PCDHAC1: variants seen among roughly 807,000 people sequenced by gnomAD.
The protein encoded by PCDHAC1 is protocadherin alpha-C1.
In PCDHAC1, 42 loss-of-function variants were observed where a neutral mutation model predicts 60.0. The observed-to-expected ratio is 0.70, with a 90% CI of 0.55 to 0.90. The LOEUF is 0.90. Ranked by LOEUF, PCDHAC1 falls within the 40% of genes least tolerant of loss-of-function variation. The pLI, the probability that PCDHAC1 is intolerant of heterozygous loss-of-function variation, is 0.00. For missense variants in PCDHAC1, 1,160 were observed against 1,222.3 expected, an observed-to-expected ratio of 0.95 and a Z score of 0.76; for synonymous variants, 468 against 499.3, an observed-to-expected ratio of 0.94 and a Z score of 0.84.
chr5:140,939,789 A>G (rs1259994967), intron 1 of PCDHAC1, among the ~76,000 whole-genome samples: 1 of 152,246 alleles, frequency 6.6e-6, no homozygotes, highest in Non-Finnish European at 1.5e-5. Context: ...GTCAATTTCT[A>G]TAAATGTTCT....
rs1338866234 is a variant in PCDHAC1 at position 141,009,892 on chromosome 5, GAA to G, written c.2852_2853del (p.Lys951ArgfsTer8). ...AGAAGAAGGGTAACAAGACCCAGGA[GAA>G]AAAAGAGAAAGGGAACAGCACGACT... ...KKKKGNKTQE[K>X]KEKGNSTTDN... On this transcript the variant is annotated frameshift_variant, in exon 4 of 4. Coordinates refer to ENST00000253807, the MANE Select transcript of PCDHAC1 (RefSeq NM_018898.5). LOFTEE classifies it high-confidence loss of function. The G allele has an allele frequency of 3.7e-6, 6 of 1,612,022 alleles. No individual in the cohort carries two copies. The Admixed American group carries it at 1.0e-4, about 27-fold the overall frequency.
rs1554217734 is a variant in PCDHAC1 at position 140,946,611 on chromosome 5, A to AATATATATATATATATATATATATATAT, written c.2433+17307_2433+17308insTATATATATATATATATATATATATATA. Among the ~76,000 whole-genome samples, 579 of 86,182 alleles carry AATATATATATATATATATATATATATAT rather than the reference A, an allele frequency of 6.7e-3. 16 individuals are homozygous for AATATATATATATATATATATATATATAT. The highest frequency in any genetic ancestry group is 0.011 in the Middle Eastern group (2 of 184). 56.5% of individuals were successfully genotyped at this position (86,182 alleles called of 152,430 possible). A position where few individuals can be genotyped will look rare whatever the true frequency, so the allele number is the denominator to read the frequency against. On this transcript the variant is annotated intron_variant, in intron 1 of 3. Transcript: ENST00000253807. ...GGATGAATAGATAAAGAAAATGTGA[A>AATATATATATATATATATATATATATAT]ATATATATATATATATATATACAAT...
intron 3 of PCDHAC1, among the ~76,000 whole-genome samples, chr5:140,987,825 G>A (rs1181525478): frequency 1.3e-5 from 2 of 151,894 alleles, no homozygotes; most frequent in Admixed American, 1.3e-4. Flanking sequence ...GTTTCCTTAG[G>A]GGATTGCTTT....
In PCDHAC1 at chr5:140,929,269, A is replaced by G. The variant is rs138062218; in HGVS notation, c.2377A>G (p.Ile793Val). Residue 793 changes from isoleucine (I) to valine (V), a missense_variant, in exon 1 of 4, where the codon ATA becomes GTA. Transcript: ENST00000253807. ...CACTGGGGTAGGACTGAATTTGCCA[A>G]TATCCTGTATTCAGATTCGGAATAG... ...LATGVGLNLPISCIQIRNRKG... is the reference protein window; with the variant it reads ...LATGVGLNLPVSCIQIRNRKG... The G allele has an allele frequency of 3.0e-5, 49 of 1,611,106 alleles. No homozygotes were observed. The highest frequency in any genetic ancestry group is 5.3e-5 in the African/African-American group (4 of 74,988).
Position 140,928,298 on chromosome 5 carries a change from C to T in PCDHAC1, c.1406C>T (p.Ala469Val). 1.2e-6 allele frequency: 2 copies of T among 1,614,128 alleles called. No individual in the cohort carries two copies. Among genetic ancestry groups the T allele is most frequent in the South Asian group, 1.1e-5 (1 of 91,080 alleles). ...GPGASLGRVF[A>V]QDPDLGKNGL... The stretch of plus-strand genomic sequence containing the variant: ...GGGGCCTCTCTAGGCCGAGTGTTTG[C>T]CCAGGACCCCGACCTGGGGAAGAAT... Residue 469 changes from alanine to valine, a missense_variant, in exon 1 of 4, where the codon GCC (alanine) becomes GTC (valine). Physicochemically the swap from Ala to Val is moderately conservative, Grantham distance 64. Around this residue, in one of 3 missense-constraint regions of PCDHAC1, gnomAD observed 1,113 missense variants for 1,163.7 expected, o/e 0.96. Transcript: ENST00000253807.
chr5:140,932,222 A>T (rs2088129167), intron 1 of PCDHAC1, among the ~76,000 whole-genome samples: 1 of 151,870 alleles, frequency 6.6e-6, no homozygotes, highest in African/African-American at 2.4e-5. Flanking sequence ...GGCAATTTAA[A>T]TTTTTTAGAA....
chr5:140,928,900 G>A lies in PCDHAC1; in HGVS notation c.2008G>A (p.Val670Ile), dbSNP rs782597882. The change falls in exon 1 of 4, where the codon GTC (valine) becomes ATC (isoleucine). Residue 670 changes from valine (V) to isoleucine (I), a missense_variant. Val to Ile is a conservative substitution (Grantham distance 29). This residue lies in a region of PCDHAC1 where 1,113 missense variants were observed against 1,163.7 expected (regional missense o/e 0.96). Coordinates refer to ENST00000253807, the MANE Select transcript of PCDHAC1 (RefSeq NM_018898.5). ...TCAGTTACTTCCAGACTTTGAAGATGTCTGGGAACCAGGAGGGCAGCTTTC... is the reference window on the plus strand; with the variant it reads ...TCAGTTACTTCCAGACTTTGAAGATATCTGGGAACCAGGAGGGCAGCTTTC... ...VPQLLPDFED[V>I]WEPGGQLSAQ... The A allele has an allele frequency of 3.1e-6, 5 of 1,614,212 alleles. No homozygotes were observed. The South Asian group carries it at 5.5e-5, about 18-fold the overall frequency.
intron 1 of PCDHAC1, among the ~76,000 whole-genome samples, chr5:140,934,465 A>G (rs1313806464): frequency 1.3e-5 from 2 of 152,152 alleles, no homozygotes; most frequent in African/African-American, 4.8e-5. Context: ...ATGTTTTAAC[A>G]TTATTTTGAA....
Position 141,010,389 on chromosome 5 carries a change from G to A in PCDHAC1, c.*452G>A. The A allele has an allele frequency of 1.4e-6, 2 of 1,400,314 alleles. No individual in the cohort carries two copies. Among genetic ancestry groups the A allele is most frequent in the Non-Finnish European group, 1.9e-6 (2 of 1,052,510 alleles). The allele number at this position is 1,400,314 out of a possible 1,614,324, so 86.7% of individuals were successfully genotyped here. ...TATGCGAGTGCCAGATATTGGCTGA[G>A]ACGAGCCAGCTTAGACTAATTGGTA... On this transcript the variant is annotated 3_prime_UTR_variant, in exon 4 of 4. Coordinates refer to ENST00000253807, the MANE Select transcript of PCDHAC1 (RefSeq NM_018898.5).
At chr5:140,977,599 AC>A (rs782213571) in intron 1 of PCDHAC1, among the ~76,000 whole-genome samples, 1 of 152,150 alleles carries the variant, frequency 6.6e-6, no homozygotes, top group Non-Finnish European at 1.5e-5. Context: ...GCATGTGAGG[AC>A]CATTGAGGTA....
intron 3 of PCDHAC1, among the ~76,000 whole-genome samples, chr5:140,992,926 A>C (rs2097533873): frequency 6.6e-6 from 1 of 152,226 alleles, no homozygotes; most frequent in African/African-American, 2.4e-5. Context: ...CCATACTTAC[A>C]GCAGCTCTGA....
rs531996502 is a variant in PCDHAC1, at chr5:140,944,251, G to A, written c.2433+14926G>A. Among the ~76,000 whole-genome samples the A allele has an allele frequency of 2.2e-4, 33 of 152,302 alleles. No individual in the cohort carries two copies. In the South Asian group the frequency reaches 6.8e-3, roughly 32 times the overall value. On this transcript the variant is annotated intron_variant, in intron 1 of 3. Transcript: ENST00000253807. ...CGCTCAGGCTGGAGTGCAGTGATGT[G>A]ATCACTGCTCACTGCAGCCTTGACA...
chr5:140,967,865 C>G, intron 1 of PCDHAC1: 1 of 1,614,164 alleles, frequency 6.2e-7, no homozygotes, highest in Non-Finnish European at 8.5e-7. Flanking sequence ...AGAGGTGGTG[C>G]TCACGGACCT....
chr5:141,000,413 A>T (rs1563651324), intron 3 of PCDHAC1, among the ~76,000 whole-genome samples: 4 of 93,212 alleles, frequency 4.3e-5, no homozygotes, highest in African/African-American at 1.8e-4. Flanking sequence ...ATATATATAT[A>T]TATATATATT....
intron 1 of PCDHAC1, chr5:140,969,097 C>G (rs2096295003): frequency 6.2e-7 from 1 of 1,614,072 alleles, no homozygotes; most frequent in African/African-American, 1.3e-5. Flanking sequence ...TGCAGCCTCA[C>G]TTCATTGAAG....
chr5:140,978,907 G>T (rs782602741), intron 1 of PCDHAC1, 42 bp from the exon 2 acceptor site: 3 of 1,613,648 alleles, frequency 1.9e-6, no homozygotes, highest in East Asian at 2.2e-5. Flanking sequence ...GGAGAACATT[G>T]TCTTGTCATT....
intron 1 of PCDHAC1, among the ~76,000 whole-genome samples, chr5:140,956,151 C>A (rs1193859248): frequency 6.6e-6 from 1 of 152,156 alleles, no homozygotes; most frequent in African/African-American, 2.4e-5. Flanking sequence ...CTTTCTCTTT[C>A]CTAATTGCCA....
At chr5:140,967,680 G>A in intron 1 of PCDHAC1, 4 of 1,614,228 alleles carry the variant, frequency 2.5e-6, no homozygotes, top group South Asian at 1.1e-5. Context: ...GACCGGGAGA[G>A]GCAGCTCTTC....
rs374310903 is a variant in PCDHAC1 at position 140,968,575 on chromosome 5, G to A, written c.2434-10374G>A. 16 of 1,614,016 alleles carry A rather than the reference G, an allele frequency of 9.9e-6. No homozygotes were observed. In the African/African-American group the frequency reaches 2.1e-4, roughly 22 times the overall value. ...CTCGAACTGCCCCTGCTGGCTACCT[G>A]GTCACCAAAGTCATAGCTATGGACT... On this transcript the variant is annotated intron_variant, in intron 1 of 3. Transcript: ENST00000253807.
Sources: gnomAD v4.1 joint callset for allele counts (sites outside exome capture counted in the v4.1 genomes callset) on GRCh38, gnomAD v4.1.1 for gene constraint, gnomAD v4.1.1 regional missense constraint, MANE v1.5 for transcripts, NCBI Gene and HGNC (gene_info 2026-07-23, HGNC 2026-07-21) for gene names.